The following RGS7 variants were observed in gnomAD, a reference collection of about 807,000 sequenced individuals.
RGS7 encodes regulator of G-protein signaling 7.
A neutral mutation model predicts 81.1 loss-of-function variants in RGS7; 27 were observed. That is an observed-to-expected ratio of 0.33 (90% confidence interval 0.25 to 0.46). RGS7 has a LOEUF of 0.46. RGS7 is among the 20% of genes least tolerant of loss of function. The pLI is 1.00. For missense variants in RGS7, 396 were observed against 607.4 expected (o/e 0.65, Z 3.66); for synonymous variants, 208 against 207.7 (o/e 1.00, Z -0.01).
intron 2 of RGS7, among the ~76,000 whole-genome samples, chr1:241,100,374 CAAAAAAAAAAAAA>C (rs753787286): frequency 3.7e-5 from 3 of 80,460 alleles, no homozygotes; most frequent in African/African-American, 1.3e-4. Context: ...GACTCCATTT[CAAAAAAAAAAAAA>C]AAAAAAAAAA....
At chr1:240,848,335 G>A (rs773620676) in intron 9 of RGS7, among the ~76,000 whole-genome samples, 4 of 152,054 alleles carry the variant, frequency 2.6e-5, no homozygotes, top group Admixed American at 6.6e-5. Flanking sequence ...AGTGATTGGT[G>A]TCCTATTGTT....
intron 2 of RGS7, among the ~76,000 whole-genome samples, chr1:241,343,093 TC>T (rs777190573): frequency 1.3e-5 from 2 of 152,004 alleles, no homozygotes; most frequent in Non-Finnish European, 2.9e-5. Flanking sequence ...AAACCCCGTC[TC>T]TACTAAAAAT....
At chr1:240,931,470 G>T (rs1675427443) in intron 5 of RGS7, among the ~76,000 whole-genome samples, 3 of 151,922 alleles carry the variant, frequency 2.0e-5, no homozygotes, top group Non-Finnish European at 4.4e-5. Flanking sequence ...AATGCTTGAG[G>T]GAATGGAGAT....
At chr1:240,981,576 A>G (rs1269721662) in intron 4 of RGS7, among the ~76,000 whole-genome samples, 2 of 152,198 alleles carry the variant, frequency 1.3e-5, no homozygotes, top group African/African-American at 4.8e-5. Context: ...CAGGCATGCC[A>G]CTGAAGTGAG....
chr1:241,311,620 TG>T (rs1352686993), intron 2 of RGS7, among the ~76,000 whole-genome samples: 3 of 152,168 alleles, frequency 2.0e-5, no homozygotes, highest in Non-Finnish European at 4.4e-5. Context: ...GTTTGAGAAA[TG>T]GGCGTTTTAT....
chr1:241,268,609 G>C (rs1168004696), intron 2 of RGS7, among the ~76,000 whole-genome samples: 1 of 152,124 alleles, frequency 6.6e-6, no homozygotes, highest in Admixed American at 6.5e-5. Flanking sequence ...GAAGCTAGGA[G>C]ATACGAGAGG....
chr1:241,158,495 T>C (rs761437749), intron 2 of RGS7, among the ~76,000 whole-genome samples: 35 of 152,324 alleles, frequency 2.3e-4, no homozygotes, highest in South Asian at 1.9e-3. Flanking sequence ...TTTCTTCACA[T>C]CTTTTTAGTT....
At chr1:241,127,850 T>C (rs1486620032) in intron 2 of RGS7, among the ~76,000 whole-genome samples, 1 of 152,170 alleles carries the variant, frequency 6.6e-6, no homozygotes, top group Non-Finnish European at 1.5e-5. Context: ...AATGATTTAG[T>C]ATATTTCAGA....
At position 240,868,780 on chromosome 1, in the gene RGS7, C is replaced by T; in HGVS notation, c.523G>A (p.Ala175Thr). ...EFIFMQAEAQ[A>T]KVDKKRDKIE... ...AAACGACTCACAAGGACTCACTTTG[C>T]TTGTGCTTCTGCTTGCATGAAAATG... Residue 175 changes from alanine (A) to threonine (T), a missense_variant, in exon 8 of 19, where the codon GCA (alanine) becomes ACA (threonine). By Grantham distance (58) the Ala-to-Thr change is moderately conservative. Coordinates refer to ENST00000440928, the MANE Select transcript of RGS7 (RefSeq NM_001364886.1). This position sits in a 1 kb window ranked among gnomAD's most constrained non-coding sequence, Gnocchi z 5.1. 6.2e-7 allele frequency: 1 copy of T among 1,613,992 alleles called. No homozygotes were observed. The highest frequency in any genetic ancestry group is 8.5e-7 in the Non-Finnish European group (1 of 1,179,992).
intron 3 of RGS7, among the ~76,000 whole-genome samples, chr1:241,062,527 AATTAGAGC>A (rs1197374617): frequency 6.6e-6 from 1 of 152,228 alleles, no homozygotes; most frequent in East Asian, 1.9e-4. Flanking sequence ...AGTTTTGAAG[AATTAGAGC>A]ATTTCATATG....
intron 4 of RGS7, among the ~76,000 whole-genome samples, chr1:240,973,045 A>G (rs1683496834): frequency 6.7e-6 from 1 of 149,610 alleles, no homozygotes; most frequent in Non-Finnish European, 1.5e-5. Context: ...GAAAGACTCC[A>G]ATTAAAAAAA....
At chr1:241,078,706 A>G (rs2062967266) in intron 3 of RGS7, among the ~76,000 whole-genome samples, 1 of 152,180 alleles carries the variant, frequency 6.6e-6, no homozygotes, top group African/African-American at 2.4e-5. Flanking sequence ...TTATAAGACC[A>G]TAAATATATA....
At chr1:240,881,964 G>C (rs1026602216) in intron 6 of RGS7, among the ~76,000 whole-genome samples, 1 of 151,798 alleles carries the variant, frequency 6.6e-6, no homozygotes, top group Non-Finnish European at 1.5e-5. Context: ...ACCCAGGCTG[G>C]AGTGTCATAG....
chr1:240,936,696 G>A lies in RGS7; in HGVS notation c.237C>T (p.Leu79=). 3 of 1,613,014 alleles carry A rather than the reference G, an allele frequency of 1.9e-6. No homozygotes were observed. Among genetic ancestry groups the A allele is most frequent in the Middle Eastern group, 1.7e-4 (1 of 6,060 alleles). The change falls in exon 5 of 19, where the codon CTC becomes CTT. Residue 79 remains leucine (L), a synonymous_variant. Coordinates refer to ENST00000440928, the MANE Select transcript of RGS7 (RefSeq NM_001364886.1). ...GGGCAGCCATTAATGTTCCCAAATGGAGCGCCTCCACTGTTTTATGAAAAC... is the reference window on the plus strand; with the variant it reads ...GGGCAGCCATTAATGTTCCCAAATGAAGCGCCTCCACTGTTTTATGAAAAC... ...NLTIEDPVEA[L]HLGTLMAAHG...
chr1:241,001,398 G>GT (rs1451441030), intron 3 of RGS7, among the ~76,000 whole-genome samples: 1 of 152,054 alleles, frequency 6.6e-6, no homozygotes, highest in Non-Finnish European at 1.5e-5. Flanking sequence ...AATTTTAAAA[G>GT]TAAGATAGTA....
chr1:240,952,286 T>C (rs1385765767), intron 4 of RGS7, among the ~76,000 whole-genome samples: 1 of 152,026 alleles, frequency 6.6e-6, no homozygotes, highest in Non-Finnish European at 1.5e-5. Context: ...TTGTTTAAAA[T>C]AATAGTAACA....
chr1:240,960,217 C>CTTTTTTTTTTTTTTT (rs750366747), intron 4 of RGS7, among the ~76,000 whole-genome samples: 2 of 8,956 alleles, frequency 2.2e-4, no homozygotes, highest in Non-Finnish European at 3.9e-4. Context: ...TCTTCTTCTT[C>CTTTTTTTTTTTTTTT]TTTTTTTTTT....
intron 14 of RGS7, among the ~76,000 whole-genome samples, chr1:240,809,270 T>C (rs1253524312): frequency 6.6e-6 from 1 of 152,172 alleles, no homozygotes; most frequent in Non-Finnish European, 1.5e-5. Context: ...GAAGCATAAG[T>C]AGTTATCGAG....
intron 18 of RGS7, among the ~76,000 whole-genome samples, chr1:240,789,589 T>C (rs1685633178): frequency 6.6e-6 from 1 of 152,326 alleles, no homozygotes; most frequent in Non-Finnish European, 1.5e-5. Context: ...GGGATGGCTA[T>C]CTTTTACGGT....
Sources: gnomAD v4.1 joint callset for allele counts (sites outside exome capture counted in the v4.1 genomes callset) on GRCh38, gnomAD v4.1.1 for gene constraint, Gnocchi (gnomAD v3.1) non-coding constraint, MANE v1.5 for transcripts, NCBI Gene and HGNC (gene_info 2026-07-23, HGNC 2026-07-21) for gene names.